USP34: variants seen among roughly 807,000 people sequenced by gnomAD.
The protein encoded by USP34 is ubiquitin specific peptidase 34.
USP34 carries 70 observed loss-of-function variants against 460.3 expected under a neutral mutation model. The observed-to-expected ratio is 0.15, with a 90% confidence interval of 0.13 to 0.19. USP34 has a LOEUF of 0.19. USP34 is among the 10% of genes least tolerant of loss of function. The pLI, the probability that USP34 is intolerant of heterozygous loss-of-function variation, is 1.00. For synonymous variants in USP34, 1,647 were observed against 1,405.3 expected, an observed-to-expected ratio of 1.17 and a Z score of -3.85; for missense variants, 3,985 against 4,236.2, an observed-to-expected ratio of 0.94 and a Z score of 1.65.
chr2:61,204,871 T>A (rs1687072165), intron 72 of USP34, among the ~76,000 whole-genome samples: 1 of 152,156 alleles, frequency 6.6e-6, no homozygotes, highest in African/African-American at 2.4e-5. Flanking sequence ...TCTGGCAACA[T>A]ACAGTGAGGG....
At chr2:61,222,533 G>A (rs113266225) in intron 65 of USP34, 86 bp downstream of exon 65, 4 of 1,073,360 alleles carry the variant, frequency 3.7e-6, no homozygotes, top group Non-Finnish European at 5.5e-6. Context: ...TGATAAATTT[G>A]TTCTCGAGAA....
intron 57 of USP34, among the ~76,000 whole-genome samples, chr2:61,234,868 G>A (rs908270002): frequency 6.6e-6 from 1 of 151,960 alleles, no homozygotes; most frequent in Non-Finnish European, 1.5e-5. Flanking sequence ...ACTCCTGACC[G>A]CAAGTGATCC....
chr2:61,230,857 A>C (rs1411397490), intron 58 of USP34, among the ~76,000 whole-genome samples: 2 of 150,386 alleles, frequency 1.3e-5, no homozygotes, highest in African/African-American at 2.5e-5. Context: ...AAAAAAAAAA[A>C]ACAAAACACA....
intron 18 of USP34, among the ~76,000 whole-genome samples, chr2:61,334,365 T>C (rs1363383694): frequency 1.3e-5 from 2 of 152,078 alleles, no homozygotes; most frequent in East Asian, 3.8e-4. Context: ...GCACACCACA[T>C]ACCTCAAAAG....
chr2:61,214,074 T>C lies in USP34; in HGVS notation c.8668A>G (p.Ser2890Gly). The stretch of plus-strand genomic sequence containing the variant: ...ATTTTACTCACTCCAGGGTATTGGC[T>C]GGCATGTGGTGTAAGATTCTTAAAG... ...WAFKNLTPHA[S>G]QYPGAVEELF... Residue 2890 changes from serine to glycine, a missense_variant, in exon 68 of 80, where the codon AGC becomes GGC. Ser to Gly is a moderately conservative substitution (Grantham distance 56). This residue lies in a region of USP34 where 275 missense variants were observed against 292.7 expected (regional missense o/e 0.94). Transcript: ENST00000398571. 1 of 1,614,252 alleles carries C rather than the reference T, an allele frequency of 6.2e-7. No homozygotes were observed. Among genetic ancestry groups the C allele is most frequent in the Non-Finnish European group, 8.5e-7 (1 of 1,180,040 alleles).
chr2:61,317,401 TCTGTAATCC>T (rs1394011808), intron 23 of USP34, among the ~76,000 whole-genome samples: 1 of 151,882 alleles, frequency 6.6e-6, no homozygotes, highest in Non-Finnish European at 1.5e-5. Flanking sequence ...GTGGCAAATG[TCTGTAATCC>T]CAGCTACTTC....
intron 1 of USP34, among the ~76,000 whole-genome samples, chr2:61,457,381 A>C (rs1695470896): frequency 6.6e-6 from 1 of 152,246 alleles, no homozygotes; most frequent in South Asian, 2.1e-4. Flanking sequence ...TGATTATGTT[A>C]TAAACCCAAT....
chr2:61,243,149 A>G (rs984283164), intron 51 of USP34, among the ~76,000 whole-genome samples: 2 of 150,660 alleles, frequency 1.3e-5, no homozygotes, highest in African/African-American at 4.9e-5. Flanking sequence ...CCCAGCGTAC[A>G]TTTTATATTT....
At chr2:61,279,627 A>C (rs1689476397) in intron 39 of USP34, among the ~76,000 whole-genome samples, 1 of 152,230 alleles carries the variant, frequency 6.6e-6, no homozygotes, top group East Asian at 1.9e-4. Flanking sequence ...GACTATGCCC[A>C]GCTAATTTTT....
intron 32 of USP34, 38 bp downstream of exon 32, chr2:61,294,911 A>T: frequency 6.6e-7 from 1 of 1,525,508 alleles, no homozygotes. Flanking sequence ...AAGATAAATT[A>T]TTTTTATCAA....
intron 14 of USP34, 41 bp downstream of exon 14, chr2:61,348,715 G>C (rs1691847797): frequency 6.3e-7 from 1 of 1,589,856 alleles, no homozygotes; most frequent in Admixed American, 1.8e-5. Context: ...ACGCCAGAAA[G>C]CCAAAAATGC....
intron 27 of USP34, among the ~76,000 whole-genome samples, chr2:61,305,213 A>G (rs1690365444): frequency 6.6e-6 from 1 of 152,066 alleles, no homozygotes; most frequent in Non-Finnish European, 1.5e-5. Context: ...AGTCGCAGCT[A>G]CTTGGGAGGC....
chr2:61,332,177 G>C (rs1236183282), intron 19 of USP34, among the ~76,000 whole-genome samples: 1 of 152,052 alleles, frequency 6.6e-6, no homozygotes, highest in African/African-American at 2.4e-5. Flanking sequence ...CTGTTTGCTT[G>C]AAGGTTTATT....
intron 54 of USP34, 35 bp from the exon 55 acceptor site, chr2:61,236,271 G>T: frequency 6.3e-7 from 1 of 1,594,324 alleles, no homozygotes; most frequent in Non-Finnish European, 8.5e-7. Context: ...AAATTCACAC[G>T]TAAGATTTTT....
chr2:61,254,849 AT>A (rs752708302), intron 48 of USP34, among the ~76,000 whole-genome samples: 1 of 151,206 alleles, frequency 6.6e-6, no homozygotes, highest in Admixed American at 6.6e-5. Flanking sequence ...CAAGTATAGC[AT>A]TTTTTTTTCT....
intron 75 of USP34, among the ~76,000 whole-genome samples, chr2:61,195,795 C>G (rs71420392): frequency 6.6e-6 from 1 of 152,216 alleles, no homozygotes; most frequent in Non-Finnish European, 1.5e-5. Flanking sequence ...CCACTAACCT[C>G]TGAACTAGAG....
rs757045194 is a variant in USP34 at position 61,209,022 on chromosome 2, C to T, written c.8841-45G>A. On this transcript the variant is annotated intron_variant, in intron 69 of 79. Coordinates refer to ENST00000398571, the MANE Select transcript of USP34 (RefSeq NM_014709.4). ...TCAGTTTGAGAAGTCTGAATAAGAA[C>T]ACAACACTTAGGTGATGAAAAAATA... is the stretch of plus-strand genomic sequence containing the variant. 3.2e-6 allele frequency: 4 copies of T among 1,243,942 alleles called. No homozygotes were observed. In the Admixed American group the frequency reaches 6.6e-5, roughly 20 times the overall value. 77.1% of individuals were successfully genotyped at this position (1,243,942 alleles called of 1,614,324 possible).
chr2:61,347,123 G>C lies in USP34; in HGVS notation c.2285+747C>G, dbSNP rs913870201. On this transcript the variant is annotated intron_variant, in intron 15 of 79. Coordinates refer to ENST00000398571, the MANE Select transcript of USP34 (RefSeq NM_014709.4). The stretch of plus-strand genomic sequence containing the variant: ...CCACTGCACTCCGGCCTGGGCAACA[G>C]AGCGAGACCCTGTCTCAAAGAAAAA... Among the ~76,000 whole-genome samples, 3 of 152,076 alleles carry C rather than the reference G, an allele frequency of 2.0e-5. No homozygotes were observed. The East Asian group carries it at 5.8e-4, about 29-fold the overall frequency.
Position 61,335,190 on chromosome 2 carries a change from A to T in USP34, c.2745-1219T>A, listed in dbSNP as rs915122296. Among the ~76,000 whole-genome samples the T allele has an allele frequency of 2.0e-5, 3 of 152,232 alleles. No homozygotes were observed. The East Asian group carries it at 5.8e-4, about 29-fold the overall frequency. On this transcript the variant is annotated intron_variant, in intron 18 of 79. Transcript: ENST00000398571. ...TTCAATGAAAAAGGAAACTTTACAA[A>T]ATCAAATATAAAACTCGTTCCAATA... is the stretch of plus-strand genomic sequence containing the variant.
Sources: allele counts gnomAD v4.1 joint callset (sites outside exome capture counted in the v4.1 genomes callset), GRCh38; gene constraint gnomAD v4.1.1; regional missense constraint gnomAD v4.1.1; transcripts MANE v1.5; gene names NCBI Gene and HGNC (gene_info 2026-07-23, HGNC 2026-07-21).